The following RABGAP1L variants were observed in gnomAD, a reference collection of about 807,000 sequenced individuals.
The protein encoded by RABGAP1L is rab GTPase-activating protein 1-like.
Under a neutral mutation model 137.7 loss-of-function variants are expected in RABGAP1L, and 63 were observed. The observed-to-expected ratio is 0.46, with a 90% CI of 0.37 to 0.56. RABGAP1L has a LOEUF of 0.56. Among genes scored for constraint, RABGAP1L ranks in the 20% least tolerant of loss-of-function variants. RABGAP1L has a pLI of 0.00. For synonymous variants in RABGAP1L, 431 were observed against 433.7 expected (o/e 0.99, Z 0.08); for missense variants, 1,095 against 1,244.0 (o/e 0.88, Z 1.80).
chr1:174,626,368 C>G (rs183196263), intron 13 of RABGAP1L, among the ~76,000 whole-genome samples: 43 of 152,274 alleles, frequency 2.8e-4, no homozygotes, highest in Middle Eastern at 3.4e-3. Flanking sequence ...CACTGGAATC[C>G]CAGCACTTCC....
chr1:174,433,964 A>G (rs972419459), intron 13 of RABGAP1L, among the ~76,000 whole-genome samples: 82 of 152,282 alleles, frequency 5.4e-4, no homozygotes, highest in African/African-American at 1.8e-3. Flanking sequence ...TAAATGATAC[A>G]TTTTAATGAG....
intron 16 of RABGAP1L, among the ~76,000 whole-genome samples, chr1:174,701,909 C>T (rs779756315): frequency 7.2e-5 from 11 of 152,224 alleles, no homozygotes; most frequent in Middle Eastern, 3.4e-3. Context: ...TATAATAAGT[C>T]TGTTTTTATT....
At chr1:174,877,067 A>G (rs1159061408) in intron 19 of RABGAP1L, among the ~76,000 whole-genome samples, 1 of 152,212 alleles carries the variant, frequency 6.6e-6, no homozygotes, top group Admixed American at 6.5e-5. Context: ...CTGCAGTAAG[A>G]AGATGAGCTA....
chr1:174,843,040 C>T (rs780176650), intron 19 of RABGAP1L, among the ~76,000 whole-genome samples: 1 of 152,036 alleles, frequency 6.6e-6, no homozygotes, highest in Non-Finnish European at 1.5e-5. Flanking sequence ...ACTGTAAAAA[C>T]AATTATTCCA....
At chr1:174,837,075 C>T (rs1692826283) in intron 19 of RABGAP1L, among the ~76,000 whole-genome samples, 2 of 152,086 alleles carry the variant, frequency 1.3e-5, no homozygotes, top group Non-Finnish European at 1.5e-5. Context: ...GGCGTGGTGG[C>T]GCATGCCTGT....
chr1:174,374,248 A>G (rs965851995), intron 12 of RABGAP1L, among the ~76,000 whole-genome samples: 3 of 152,138 alleles, frequency 2.0e-5, no homozygotes, highest in East Asian at 1.9e-4. Context: ...ACCTCCATGC[A>G]TCATAGAAAT....
intron 13 of RABGAP1L, among the ~76,000 whole-genome samples, chr1:174,605,184 ACTC>A (rs1025564647): frequency 1.3e-5 from 2 of 151,468 alleles, no homozygotes; most frequent in Admixed American, 6.6e-5. Flanking sequence ...AACAAACGAA[ACTC>A]CTCCTGTAAA....
Position 174,613,843 on chromosome 1 carries a change from G to A in RABGAP1L, c.1711-23532G>A, listed in dbSNP as rs561755988. ...TCTTTGTCTCTTTTGATCTTTGTTG[G>A]TGTAAAGTCTGTTTTATCAGAGACT... On this transcript the variant is annotated intron_variant, in intron 13 of 25. Transcript: ENST00000681986. Among the ~76,000 whole-genome samples, 298 of 152,132 alleles carry A rather than the reference G, an allele frequency of 2.0e-3. 1 individual carries two copies. Among genetic ancestry groups the A allele is most frequent in the African/African-American group, 6.8e-3 (283 of 41,508 alleles).
chr1:174,869,169 A>G (rs182305199), intron 19 of RABGAP1L, among the ~76,000 whole-genome samples: 38 of 152,304 alleles, frequency 2.5e-4, no homozygotes, highest in Non-Finnish European at 3.7e-4. Context: ...AATGCTTTCC[A>G]GAGTCAGGTA....
At chr1:174,714,717 G>A (rs1680858471) in intron 17 of RABGAP1L, among the ~76,000 whole-genome samples, 1 of 152,092 alleles carries the variant, frequency 6.6e-6, no homozygotes, top group Non-Finnish European at 1.5e-5. Flanking sequence ...GGAAGGACAG[G>A]CACCAAAGTT....
intron 23 of RABGAP1L, 116 bp downstream of exon 23, chr1:174,979,006 C>T (rs1670878312): frequency 7.7e-7 from 1 of 1,292,248 alleles, no homozygotes; most frequent in Non-Finnish European, 9.9e-7. Context: ...TAGCAGGACC[C>T]CATATCTACA....
chr1:174,541,010 A>G (rs534761337), intron 13 of RABGAP1L, among the ~76,000 whole-genome samples: 6 of 152,196 alleles, frequency 3.9e-5, no homozygotes, highest in Non-Finnish European at 8.8e-5. Flanking sequence ...GGTCCTTCAC[A>G]TCCCTTGTAA....
intron 18 of RABGAP1L, among the ~76,000 whole-genome samples, chr1:174,803,138 G>T (rs1240806686): frequency 6.6e-6 from 1 of 152,024 alleles, no homozygotes; most frequent in African/African-American, 2.4e-5. Flanking sequence ...TGTGGATTTG[G>T]TCTCTGAGCC....
intron 18 of RABGAP1L, among the ~76,000 whole-genome samples, chr1:174,797,567 G>T (rs1195681604): frequency 1.7e-5 from 2 of 119,126 alleles, no homozygotes; most frequent in Non-Finnish European, 3.6e-5. Context: ...GGGTGTGGGG[G>T]GTGTGATGTG....
At position 174,989,844 on chromosome 1, in the gene RABGAP1L, A is replaced by G; in HGVS notation, c.3004-5A>G. On this transcript the variant is annotated splice_polypyrimidine_tract_variant and splice_region_variant and intron_variant, in intron 25 of 25. Transcript: ENST00000681986. Reference sequence around the variant, plus strand: ...TAACTCAGATGATTTTCTTGCTTTAATTAGGAACTTGAACATCAGAGAGGA... The same window carrying G: ...TAACTCAGATGATTTTCTTGCTTTAGTTAGGAACTTGAACATCAGAGAGGA... 1 of 1,549,080 alleles carries G rather than the reference A, an allele frequency of 6.5e-7. No individual in the cohort carries two copies. The highest frequency in any genetic ancestry group is 2.0e-5 in the Admixed American group (1 of 50,676).
chr1:174,958,331 C>A, intron 20 of RABGAP1L: 1 of 671,772 alleles, frequency 1.5e-6, no homozygotes, highest in Non-Finnish European at 2.1e-6. Context: ...TGGTAATTAG[C>A]AACACTGTTC....
intron 19 of RABGAP1L, among the ~76,000 whole-genome samples, chr1:174,895,773 C>T (rs193126463): frequency 6.6e-6 from 1 of 152,278 alleles, no homozygotes; most frequent in Non-Finnish European, 1.5e-5. Flanking sequence ...GACATGAACT[C>T]ATCCTTTTTT....
intron 13 of RABGAP1L, among the ~76,000 whole-genome samples, chr1:174,401,700 G>A (rs1443099837): frequency 6.6e-6 from 1 of 152,138 alleles, no homozygotes; most frequent in Non-Finnish European, 1.5e-5. Flanking sequence ...GACATGTAAA[G>A]AAGACTAATA....
intron 13 of RABGAP1L, among the ~76,000 whole-genome samples, chr1:174,614,893 T>C (rs924159555): frequency 6.6e-6 from 1 of 152,210 alleles, no homozygotes; most frequent in African/African-American, 2.4e-5. Flanking sequence ...TTCTGCATTC[T>C]TCACGTAGTT....
Sources: allele counts gnomAD v4.1 joint callset (sites outside exome capture counted in the v4.1 genomes callset), GRCh38; gene constraint gnomAD v4.1.1; transcripts MANE v1.5; gene names NCBI Gene and HGNC (gene_info 2026-07-23, HGNC 2026-07-21).